The following GALNT13 variants were observed in gnomAD, a reference collection of about 807,000 sequenced individuals.
GALNT13 encodes polypeptide N-acetylgalactosaminyltransferase 13, also known as UDP-GalNAc:polypeptide N-acetylgalactosaminyltransferase 13.
GALNT13 carries 28 observed loss-of-function variants against 64.2 expected under a neutral mutation model. The observed-to-expected ratio is 0.44, with a 90% CI of 0.32 to 0.60. The LOEUF is 0.60. GALNT13 is among the 20% of genes least tolerant of loss of function. The probability of loss-of-function intolerance (pLI) is 0.05; values close to 1 mark genes in which losing one functional copy is unlikely to be tolerated. For missense variants in GALNT13, 577 were observed against 669.8 expected, an observed-to-expected ratio of 0.86 and a Z score of 1.53; for synonymous variants, 214 against 224.6, an observed-to-expected ratio of 0.95 and a Z score of 0.42.
the GALNT13 span, among the ~76,000 whole-genome samples, chr2:153,400,987 T>C: frequency 3.3e-5 from 5 of 151,426 alleles, no homozygotes; most frequent in Non-Finnish European, 7.4e-5. Context: ...GTGTTTGCTC[T>C]TGGTTTTCTA....
At chr2:153,136,779 T>C in the GALNT13 span, among the ~76,000 whole-genome samples, 10,435 of 151,836 alleles carry the variant, frequency 0.069, 686 homozygotes, top group African/African-American at 0.17. Context: ...GTCTCCAAAA[T>C]AGGGAGGATG....
the GALNT13 span, among the ~76,000 whole-genome samples, chr2:153,580,594 A>C: frequency 6.6e-6 from 1 of 152,198 alleles, no homozygotes; most frequent in East Asian, 1.9e-4. Context: ...AATATAATTT[A>C]GGGGACTACA....
At chr2:153,869,663 T>G (rs1685816482), upstream of GALNT13, among the ~76,000 whole-genome samples, 1 of 151,852 alleles carries the variant, frequency 6.6e-6, no homozygotes, top group South Asian at 2.1e-4. Flanking sequence ...TTGGTTAAGG[T>G]GATGTTTACC....
chr2:153,890,296 T>C (rs1391595498), intron 1 of GALNT13, among the ~76,000 whole-genome samples: 1 of 152,040 alleles, frequency 6.6e-6, no homozygotes, highest in Non-Finnish European at 1.5e-5. Flanking sequence ...ATTATGTTAT[T>C]TATGGTTGTA....
chr2:153,316,532 T>A, the GALNT13 span, among the ~76,000 whole-genome samples: 1 of 150,570 alleles, frequency 6.6e-6, no homozygotes, highest in South Asian at 2.1e-4. Context: ...TCCCAGCTAC[T>A]TGGGAGGCTG....
chr2:153,448,692 T>C, the GALNT13 span, among the ~76,000 whole-genome samples: 1 of 152,178 alleles, frequency 6.6e-6, no homozygotes, highest in Admixed American at 6.6e-5. Context: ...CAAGTTAACC[T>C]ATTCTACCTC....
chr2:153,730,230 G>A, the GALNT13 span, among the ~76,000 whole-genome samples: 1 of 152,110 alleles, frequency 6.6e-6, no homozygotes, highest in South Asian at 2.1e-4. Context: ...CATGGTACTG[G>A]TTTAAAAATA....
chr2:153,104,483 A>G, the GALNT13 span, among the ~76,000 whole-genome samples: 1 of 152,200 alleles, frequency 6.6e-6, no homozygotes, highest in Non-Finnish European at 1.5e-5. Flanking sequence ...AAACAATGAA[A>G]AGGTACATGT....
At chr2:154,358,056 G>A (rs1413076405) in intron 9 of GALNT13, among the ~76,000 whole-genome samples, 1 of 151,982 alleles carries the variant, frequency 6.6e-6, no homozygotes, top group African/African-American at 2.4e-5. Flanking sequence ...TCTATAGAAT[G>A]TGAATATTTT....
chr2:153,836,492 C>A, the GALNT13 span, among the ~76,000 whole-genome samples: 3 of 151,540 alleles, frequency 2.0e-5, no homozygotes, highest in African/African-American at 7.3e-5. Flanking sequence ...CATAACCTGG[C>A]AACCATTGTT....
chr2:153,495,969 G>A, the GALNT13 span, among the ~76,000 whole-genome samples: 14 of 152,160 alleles, frequency 9.2e-5, no homozygotes, highest in Non-Finnish European at 1.5e-4. Context: ...TAGTGTCTTG[G>A]CAGGCAGAGT....
At chr2:153,635,808 GA>G in the GALNT13 span, among the ~76,000 whole-genome samples, 93 of 152,178 alleles carry the variant, frequency 6.1e-4, 1 homozygote, top group East Asian at 0.016. Flanking sequence ...AGACTTCACT[GA>G]TAAGTTTGAG....
chr2:153,353,992 AT>A, the GALNT13 span, among the ~76,000 whole-genome samples: 1 of 152,074 alleles, frequency 6.6e-6, no homozygotes, highest in Non-Finnish European at 1.5e-5. Context: ...TATTTCTTAC[AT>A]TTTGTTAGAA....
chr2:154,306,106 TAAAAG>T (rs1693715058), intron 9 of GALNT13, among the ~76,000 whole-genome samples: 1 of 152,162 alleles, frequency 6.6e-6, no homozygotes, highest in Admixed American at 6.5e-5. Flanking sequence ...GACCCACTGT[TAAAAG>T]AGAGGTGAAG....
intron 4 of GALNT13, among the ~76,000 whole-genome samples, chr2:154,157,531 A>T (rs1035436513): frequency 1.3e-5 from 2 of 152,196 alleles, no homozygotes; most frequent in Non-Finnish European, 2.9e-5. Flanking sequence ...CTCTTCGGTT[A>T]TTCTTACCAG....
intron 6 of GALNT13, among the ~76,000 whole-genome samples, chr2:154,243,784 A>G (rs944090868): frequency 5.3e-5 from 8 of 152,188 alleles, no homozygotes; most frequent in Non-Finnish European, 1.2e-4. Context: ...CATTTCGTCT[A>G]TAGTAGAAAA....
chr2:153,833,126 C>T, the GALNT13 span, among the ~76,000 whole-genome samples: 1 of 152,164 alleles, frequency 6.6e-6, no homozygotes, highest in Non-Finnish European at 1.5e-5. Flanking sequence ...CATCTCCATG[C>T]TGACTATGCT....
chr2:153,976,550 A>C (rs1173656754), intron 3 of GALNT13, among the ~76,000 whole-genome samples: 1 of 152,134 alleles, frequency 6.6e-6, no homozygotes, highest in Non-Finnish European at 1.5e-5. Flanking sequence ...AAAGTAGTAA[A>C]ATAATTTTGC....
the GALNT13 span, among the ~76,000 whole-genome samples, chr2:153,721,308 G>T: frequency 1.4e-5 from 2 of 145,118 alleles, no homozygotes; most frequent in Non-Finnish European, 3.0e-5. Context: ...GCTCCTGAAG[G>T]AAGCGCTAAA....
Sources: gnomAD v4.1 joint callset for allele counts (sites outside exome capture counted in the v4.1 genomes callset) on GRCh38, gnomAD v4.1.1 for gene constraint, MANE v1.5 for transcripts, NCBI Gene and HGNC (gene_info 2026-07-23, HGNC 2026-07-21) for gene names.